Variants in TAFA1 observed in about 807,000 individuals in gnomAD.
The protein encoded by TAFA1 is TAFA chemokine like family member 1.
Under a neutral mutation model 18.5 loss-of-function variants are expected in TAFA1, and 4 were observed. The ratio of observed to expected loss-of-function variants is 0.22; its 90% CI spans 0.11 to 0.49. TAFA1 has a LOEUF of 0.49. Among genes scored for constraint, TAFA1 ranks in the 20% least tolerant of loss-of-function variants. The pLI is 0.98. For synonymous variants in TAFA1, 56 were observed against 55.2 expected (o/e 1.01, Z -0.06); for missense variants, 147 against 169.0 (o/e 0.87, Z 0.72).
intron 2 of TAFA1, among the ~76,000 whole-genome samples, chr3:68,227,761 T>C (rs2066820326): frequency 6.6e-6 from 1 of 152,240 alleles, no homozygotes. Flanking sequence ...GAATCCGTGG[T>C]GAATTCCCAA....
At chr3:68,176,051 G>A (rs750301632) in intron 2 of TAFA1, among the ~76,000 whole-genome samples, 6 of 152,136 alleles carry the variant, frequency 3.9e-5, no homozygotes, top group Non-Finnish European at 7.3e-5. Flanking sequence ...GATGTGAGTT[G>A]CTCCTCTTTC....
At chr3:68,363,403 T>C (rs958887018) in intron 2 of TAFA1, among the ~76,000 whole-genome samples, 6 of 152,154 alleles carry the variant, frequency 3.9e-5, no homozygotes, top group African/African-American at 1.2e-4. Context: ...TTTTATTTAG[T>C]CTTTGGAGCA....
At chr3:68,242,111 T>TTA (rs2067007653) in intron 2 of TAFA1, among the ~76,000 whole-genome samples, 1 of 152,148 alleles carries the variant, frequency 6.6e-6, no homozygotes, top group African/African-American at 2.4e-5. Context: ...TGCATATACT[T>TTA]TACACAGCTT....
chr3:68,315,400 A>G (rs923646087), intron 2 of TAFA1, among the ~76,000 whole-genome samples: 1 of 152,110 alleles, frequency 6.6e-6, no homozygotes, highest in South Asian at 2.1e-4. Context: ...TTGTGCATGG[A>G]AAGTGTTAAT....
intron 2 of TAFA1, among the ~76,000 whole-genome samples, chr3:68,301,392 G>A (rs1047598719): frequency 1.3e-5 from 2 of 152,112 alleles, no homozygotes; most frequent in Non-Finnish European, 2.9e-5. Context: ...ATAGTATCCT[G>A]TTATATAAAC....
intron 2 of TAFA1, among the ~76,000 whole-genome samples, chr3:68,259,532 T>C (rs1322506293): frequency 6.6e-6 from 1 of 152,180 alleles, no homozygotes; most frequent in African/African-American, 2.4e-5. Context: ...TTGGGCAGTA[T>C]GGCCATTTTC....
In TAFA1 at chr3:68,405,699, C is replaced by CAA. The variant is rs56258198; in HGVS notation, c.119-11541_119-11540dup. On this transcript the variant is annotated intron_variant, in intron 2 of 4. Coordinates refer to ENST00000478136, the MANE Select transcript of TAFA1 (RefSeq NM_213609.4). ...TAGGCAATGGAGTGAGACTCTATCT[C>CAA]AAAAAAAAAAAAAAAAAAAAAAAAA... 6.1e-4 allele frequency among the ~76,000 whole-genome samples: 20 copies of CAA among 32,882 alleles called. 1 individual carries two copies. Among genetic ancestry groups the CAA allele is most frequent in the East Asian group, 1.8e-3 (3 of 1,638 alleles). The allele number at this position is 32,882 out of a possible 152,430, so 21.6% of individuals were successfully genotyped here. A position where few individuals can be genotyped will look rare whatever the true frequency, so the allele number is the denominator to read the frequency against.
At chr3:68,047,007 A>G (rs2064397487) in intron 2 of TAFA1, among the ~76,000 whole-genome samples, 1 of 152,228 alleles carries the variant, frequency 6.6e-6, no homozygotes, top group South Asian at 2.1e-4. Flanking sequence ...ATATTTGAAT[A>G]CAGCTTTTGC....
chr3:68,057,867 T>C (rs1218997775), intron 2 of TAFA1, among the ~76,000 whole-genome samples: 1 of 152,134 alleles, frequency 6.6e-6, no homozygotes, highest in Non-Finnish European at 1.5e-5. Context: ...GTGGGTGGCT[T>C]CTAGAAGCTA....
intron 2 of TAFA1, among the ~76,000 whole-genome samples, chr3:68,375,982 A>G (rs1575815578): frequency 2.0e-5 from 3 of 152,116 alleles, no homozygotes; most frequent in African/African-American, 7.2e-5. Context: ...TTTAAGAACC[A>G]TCTCCTAATT....
chr3:68,068,668 T>C (rs1203501784), intron 2 of TAFA1, among the ~76,000 whole-genome samples: 4 of 152,208 alleles, frequency 2.6e-5, no homozygotes, highest in African/African-American at 9.7e-5. Context: ...TCAAAATTAT[T>C]CTTTGCCTGA....
At chr3:68,068,615 C>G in intron 2 of TAFA1, among the ~76,000 whole-genome samples, 1 of 152,138 alleles carries the variant, frequency 6.6e-6, no homozygotes, top group African/African-American at 2.4e-5. Context: ...TAAGACAAAC[C>G]CGAGAGAACA....
intron 2 of TAFA1, among the ~76,000 whole-genome samples, chr3:68,137,762 C>G (rs768916590): frequency 2.3e-4 from 35 of 152,090 alleles, no homozygotes; most frequent in Admixed American, 3.9e-4. Context: ...AAGGAAAGGC[C>G]CAGATAGGTC....
chr3:68,443,152 T>C (rs2071415009), intron 3 of TAFA1, among the ~76,000 whole-genome samples: 1 of 152,058 alleles, frequency 6.6e-6, no homozygotes, highest in Admixed American at 6.6e-5. Context: ...TCAAATTCCA[T>C]TGGTAAGGGG....
At position 68,225,885 on chromosome 3, in the gene TAFA1, TAA is replaced by T. The variant is rs5849808; in HGVS notation, c.119-191383_119-191382del. On this transcript the variant is annotated intron_variant, in intron 2 of 4. Transcript: ENST00000478136. ...CTCTATCTCAGGTTTGCTGTAAGCA[TAA>T]AAAAAAAAAAATCCATATGAAAACA... Among the ~76,000 whole-genome samples the T allele has an allele frequency of 3.3e-3, 496 of 148,846 alleles. 3 individuals carry two copies. Among genetic ancestry groups the T allele is most frequent in the African/African-American group, 9.9e-3 (401 of 40,424 alleles).
intron 2 of TAFA1, among the ~76,000 whole-genome samples, chr3:68,033,641 G>T (rs1435070319): frequency 6.6e-6 from 1 of 152,116 alleles, no homozygotes; most frequent in Non-Finnish European, 1.5e-5. Context: ...AGTCATGCTA[G>T]ATATTTACTT....
intron 2 of TAFA1, among the ~76,000 whole-genome samples, chr3:68,371,539 C>G (rs1432314525): frequency 6.6e-6 from 1 of 152,142 alleles, no homozygotes; most frequent in Non-Finnish European, 1.5e-5. Flanking sequence ...ATCCATGTCT[C>G]TGCAAAGGAC....
At chr3:68,313,473 G>T (rs1044993420) in intron 2 of TAFA1, among the ~76,000 whole-genome samples, 8 of 152,088 alleles carry the variant, frequency 5.3e-5, no homozygotes, top group African/African-American at 1.9e-4. Flanking sequence ...TTTGAAAATT[G>T]TCCAAATGTG....
chr3:68,294,699 T>C lies in TAFA1; in HGVS notation c.119-122581T>C, dbSNP rs2068176663. On this transcript the variant is annotated intron_variant, in intron 2 of 4. Transcript: ENST00000478136. ...CAGGAGTTCGAGACCAGCCTGGGCATGATGAAAGCCCACCTCTACAAAATA... is the reference window on the plus strand; with the variant it reads ...CAGGAGTTCGAGACCAGCCTGGGCACGATGAAAGCCCACCTCTACAAAATA... 4.0e-5 allele frequency among the ~76,000 whole-genome samples: 6 copies of C among 151,884 alleles called. No individual in the cohort carries two copies. In the South Asian group the frequency reaches 1.3e-3, roughly 32 times the overall value.
Sources: allele counts gnomAD v4.1 joint callset (sites outside exome capture counted in the v4.1 genomes callset), GRCh38; gene constraint gnomAD v4.1.1; transcripts MANE v1.5; gene names NCBI Gene and HGNC (gene_info 2026-07-23, HGNC 2026-07-21).